The following PRXL2B variants were observed in gnomAD, a reference collection of about 807,000 sequenced individuals.
PRXL2B encodes prostamide/prostaglandin F synthase.
A neutral mutation model predicts 24.4 loss-of-function variants in PRXL2B; 26 were observed. That is an observed-to-expected ratio of 1.07 (90% CI 0.78 to 1.48). PRXL2B has a LOEUF of 1.48. Ranked by LOEUF, PRXL2B falls within the 40% of genes most tolerant of loss-of-function variation. The probability of loss-of-function intolerance (pLI) is 0.00; values close to 1 mark genes in which losing one functional copy is unlikely to be tolerated. For synonymous variants in PRXL2B, 115 were observed against 118.9 expected (o/e 0.97, Z 0.21); for missense variants, 269 against 264.8 (o/e 1.02, Z -0.11).
At chr1:2,586,695 G>A (rs1644522239), upstream of PRXL2B, 1 of 1,224,366 alleles carries the variant, frequency 8.2e-7, no homozygotes, top group Admixed American at 4.3e-5. Context: ...GCCATCTTGG[G>A]GGCGGGCCCG....
At chr1:2,588,479 G>C in intron 4 of PRXL2B, 26 bp downstream of exon 4, 1 of 1,613,918 alleles carries the variant, frequency 6.2e-7, no homozygotes, top group South Asian at 1.1e-5. Flanking sequence ...GGGTGTACAG[G>C]CCGGGGGGTG....
rs770497087 is a variant in PRXL2B at position 2,588,610 on chromosome 1, C to G, written c.445C>G (p.Leu149Val). ...SGDLLQSGGL[L>V]VVSKGGDKVL... ...GGACCTGCTGCAGAGCGGAGGGCTGCTGGTGGTCAGCAAAGGTGGGTCGAG... is the reference window on the plus strand; with the variant it reads ...GGACCTGCTGCAGAGCGGAGGGCTGGTGGTGGTCAGCAAAGGTGGGTCGAG... The change falls in exon 5 of 7, where the codon CTG becomes GTG. Residue 149 changes from leucine (L) to valine (V), a missense_variant. Leu to Val is a conservative substitution (Grantham distance 32). Transcript: ENST00000419916. 3 of 1,614,050 alleles carry G rather than the reference C, an allele frequency of 1.9e-6. No homozygotes were observed. In the South Asian group the frequency reaches 3.3e-5, roughly 18 times the overall value.
Position 2,586,946 on chromosome 1 carries a change from G to A in PRXL2B, c.61G>A (p.Glu21Lys). 2 of 1,321,046 alleles carry A rather than the reference G, an allele frequency of 1.5e-6. No homozygotes were observed. The highest frequency in any genetic ancestry group is 1.9e-6 in the Non-Finnish European group (2 of 1,039,150). The allele number at this position is 1,321,046 out of a possible 1,614,324, so 81.8% of individuals were successfully genotyped here. A position where few individuals can be genotyped will look rare whatever the true frequency, so the allele number is the denominator to read the frequency against. Residue 21 changes from glutamate to lysine, a missense_variant and splice_region_variant, in exon 1 of 7, where the codon GAG becomes AAG. Transcript: ENST00000419916. Reference sequence around the variant, plus strand: ...CATCCTGAAGCATGCGGTGACCGGGGAGGTGAGGCCGGGTGGACGCAGGGC... The same window carrying A: ...CATCCTGAAGCATGCGGTGACCGGGAAGGTGAGGCCGGGTGGACGCAGGGC... ...ACILKHAVTG[E>K]AVELRSLWRE...
In PRXL2B at chr1:2,589,615, C is replaced by T; in HGVS notation, c.*188C>T. 1 of 751,644 alleles carries T rather than the reference C, an allele frequency of 1.3e-6. No individual in the cohort carries two copies. The highest frequency in any genetic ancestry group is 2.2e-6 in the Non-Finnish European group (1 of 458,578). 46.6% of individuals were successfully genotyped at this position (751,644 alleles called of 1,614,324 possible). ...ACGCACTGCTTCGCAGGCTCCGAGCCCTGCATCCTCCACAGCCCCCGCCTT... is the reference window on the plus strand; with the variant it reads ...ACGCACTGCTTCGCAGGCTCCGAGCTCTGCATCCTCCACAGCCCCCGCCTT... On this transcript the variant is annotated 3_prime_UTR_variant, in exon 7 of 7. Coordinates refer to ENST00000419916, the MANE Select transcript of PRXL2B (RefSeq NM_152371.5).
intron 5 of PRXL2B, 98 bp from the exon 6 acceptor site, chr1:2,588,824 T>TGGCTGGCCAG (rs1644597634): frequency 1.5e-6 from 2 of 1,315,916 alleles, no homozygotes; most frequent in African/African-American, 1.4e-5. Flanking sequence ...GTGGGGGATA[T>TGGCTGGCCAG]GGCTGGCCAG....
upstream of PRXL2B, chr1:2,586,722 G>A (rs995118141): frequency 2.4e-6 from 3 of 1,238,654 alleles, no homozygotes; most frequent in East Asian, 3.2e-5. Context: ...AGACGAGCCC[G>A]AAGGGGCGGG....
At chr1:2,586,738 G>C, upstream of PRXL2B, 2 of 1,239,730 alleles carry the variant, frequency 1.6e-6, no homozygotes, top group East Asian at 3.2e-5. Context: ...GCGGGGCCTC[G>C]GCGGCAGCAA....
In PRXL2B at chr1:2,588,386, G is replaced by C; in HGVS notation, c.321-4G>C. ...TTTGGCCAAGCGACCTGGTGTCTTCGCAGGTACAACAGCCTGAGCATCCTC... is the reference window on the plus strand; with the variant it reads ...TTTGGCCAAGCGACCTGGTGTCTTCCCAGGTACAACAGCCTGAGCATCCTC... On this transcript the variant is annotated splice_polypyrimidine_tract_variant and splice_region_variant and intron_variant, in intron 3 of 6. Coordinates refer to ENST00000419916, the MANE Select transcript of PRXL2B (RefSeq NM_152371.5). 3 of 1,614,136 alleles carry C rather than the reference G, an allele frequency of 1.9e-6. No homozygotes were observed. Among genetic ancestry groups the C allele is most frequent in the African/African-American group, 2.7e-5 (2 of 75,054 alleles).
chr1:2,589,470 G>A lies in PRXL2B; in HGVS notation c.*43G>A. ...GCCTCCGAGGATCTGGGTGGCGTCTGCTGCCCTAGGTGTGCTGGAAGTCCA... is the reference window on the plus strand; with the variant it reads ...GCCTCCGAGGATCTGGGTGGCGTCTACTGCCCTAGGTGTGCTGGAAGTCCA... On this transcript the variant is annotated 3_prime_UTR_variant, in exon 7 of 7. Coordinates refer to ENST00000419916, the MANE Select transcript of PRXL2B (RefSeq NM_152371.5). The A allele has an allele frequency of 6.2e-7, 1 of 1,613,632 alleles. No homozygotes were observed. The highest frequency in any genetic ancestry group is 8.5e-7 in the Non-Finnish European group (1 of 1,179,882).
chr1:2,589,443 T>G lies in PRXL2B; in HGVS notation c.*16T>G. On this transcript the variant is annotated 3_prime_UTR_variant, in exon 7 of 7. Transcript: ENST00000419916. The stretch of plus-strand genomic sequence containing the variant: ...AGAGGTGTGAGGGAGGCGAAGGCCC[T>G]GGCCTCCGAGGATCTGGGTGGCGTC... The G allele has an allele frequency of 6.2e-7, 1 of 1,613,704 alleles. No individual in the cohort carries two copies. Among genetic ancestry groups the G allele is most frequent in the Non-Finnish European group, 8.5e-7 (1 of 1,179,894 alleles).
chr1:2,586,626 T>C (rs2100893239), upstream of PRXL2B: 1 of 811,440 alleles, frequency 1.2e-6, no homozygotes, highest in Non-Finnish European at 1.6e-6. Flanking sequence ...TAGGGGCGAA[T>C]CCGAGGGGGC....
chr1:2,589,184 G>A lies in PRXL2B; in HGVS notation c.579+144G>A, dbSNP rs78004063. 4.2e-5 allele frequency: 42 copies of A among 998,880 alleles called. No individual in the cohort carries two copies. In the African/African-American group the frequency reaches 6.4e-4, roughly 15 times the overall value. The allele number at this position is 998,880 out of a possible 1,614,324, so 61.9% of individuals were successfully genotyped here. A position where few individuals can be genotyped will look rare whatever the true frequency, so the allele number is the denominator to read the frequency against. On this transcript the variant is annotated intron_variant, in intron 6 of 6. Transcript: ENST00000419916. ...TGCCCTGGGATATGGATGCCACTGT[G>A]ACCCCACTTGCAGAGTGGGGCAGGC...
In PRXL2B at chr1:2,587,024, T is replaced by TG. The variant is rs996076660; in HGVS notation, c.64-62dup. On this transcript the variant is annotated intron_variant, in intron 1 of 6. Coordinates refer to ENST00000419916, the MANE Select transcript of PRXL2B (RefSeq NM_152371.5). The surrounding 1 kb of genome is among the most constrained non-coding windows in gnomAD (Gnocchi z 6.1). ...GGGCGTCCTGGCAGCGATGGGGTGG[T>TG]GGGGGCCGCGGGGCCTGGGCGGGGC... The TG allele has an allele frequency of 1.1e-5, 3 of 277,330 alleles. No homozygotes were observed. The highest frequency in any genetic ancestry group is 1.4e-5 in the Non-Finnish European group (3 of 217,448). The allele number at this position is 277,330 out of a possible 1,614,324, so 17.2% of individuals were successfully genotyped here.
rs1043598514 is a variant in PRXL2B at position 2,590,913 on chromosome 1, C to T, written c.*1486C>T. On this transcript the variant is annotated 3_prime_UTR_variant, in exon 7 of 7. Transcript: ENST00000419916. ...GGCCGGGGCGGGACGTACACTGGGT[C>T]GCCGCTAGCTGCACCTTCGCACAGA... is the stretch of plus-strand genomic sequence containing the variant. 19 of 1,160,332 alleles carry T rather than the reference C, an allele frequency of 1.6e-5. No individual in the cohort carries two copies. Among genetic ancestry groups the T allele is most frequent in the Middle Eastern group, 6.1e-4 (2 of 3,278 alleles). The allele number at this position is 1,160,332 out of a possible 1,614,324, so 71.9% of individuals were successfully genotyped here.
In PRXL2B at chr1:2,591,081, C is replaced by T; in HGVS notation, c.*1654C>T. 4.4e-6 allele frequency: 7 copies of T among 1,589,490 alleles called. No individual in the cohort carries two copies. Among genetic ancestry groups the T allele is most frequent in the Non-Finnish European group, 6.0e-6 (7 of 1,168,370 alleles). On this transcript the variant is annotated 3_prime_UTR_variant, in exon 7 of 7. Coordinates refer to ENST00000419916, the MANE Select transcript of PRXL2B (RefSeq NM_152371.5). ...GAAGGCGGCCAGGTTCTGCAGCGACCCCAGTACCCTGTGGGTGGGTGGGTG... is the reference window on the plus strand; with the variant it reads ...GAAGGCGGCCAGGTTCTGCAGCGACTCCAGTACCCTGTGGGTGGGTGGGTG...
intron 5 of PRXL2B, 112 bp downstream of exon 5, chr1:2,588,737 G>A (rs1051700828): frequency 2.2e-5 from 28 of 1,297,584 alleles, no homozygotes; most frequent in Non-Finnish European, 2.9e-5. Flanking sequence ...CCCCTCCGCC[G>A]CAATGTGGCC....
Position 2,591,145 on chromosome 1 carries a change from AT to A in PRXL2B, c.*1722del. ...ATTGCCATCTTGGACAAACATGGCC[AT>A]TTTAAGTTCTCCGTGATTAAAAACC... On this transcript the variant is annotated 3_prime_UTR_variant, in exon 7 of 7. Coordinates refer to ENST00000419916, the MANE Select transcript of PRXL2B (RefSeq NM_152371.5). 7.8e-7 allele frequency: 1 copy of A among 1,276,680 alleles called. No homozygotes were observed. Among genetic ancestry groups the A allele is most frequent in the Non-Finnish European group, 1.1e-6 (1 of 931,020 alleles). The allele number at this position is 1,276,680 out of a possible 1,614,324, so 79.1% of individuals were successfully genotyped here. A position where few individuals can be genotyped will look rare whatever the true frequency, so the allele number is the denominator to read the frequency against.
Position 2,587,645 on chromosome 1 carries a change from A to G in PRXL2B, c.269-96A>G. 1.4e-6 allele frequency: 2 copies of G among 1,409,070 alleles called. No homozygotes were observed. Among genetic ancestry groups the G allele is most frequent in the Non-Finnish European group, 2.0e-6 (2 of 1,018,664 alleles). The allele number at this position is 1,409,070 out of a possible 1,614,324, so 87.3% of individuals were successfully genotyped here. ...CTGAGCACGGAGGGTGGGCAGAGGA[A>G]CAGAGGGTCGGAAGGAGGAGGGCGA... On this transcript the variant is annotated intron_variant, in intron 2 of 6. Coordinates refer to ENST00000419916, the MANE Select transcript of PRXL2B (RefSeq NM_152371.5). The surrounding 1 kb of genome is among the most constrained non-coding windows in gnomAD (Gnocchi z 6.1).
chr1:2,588,275 G>A, intron 3 of PRXL2B, 115 bp from the exon 4 acceptor site: 3 of 1,370,782 alleles, frequency 2.2e-6, no homozygotes, highest in Non-Finnish European at 3.0e-6. Context: ...CTGAGCCCTG[G>A]TGAGGCGGGT....
Sources: gnomAD v4.1 joint callset for allele counts on GRCh38, gnomAD v4.1.1 for gene constraint, Gnocchi (gnomAD v3.1) non-coding constraint, MANE v1.5 for transcripts, NCBI Gene and HGNC (gene_info 2026-07-23, HGNC 2026-07-21) for gene names.